Variants in TMEM232 observed in about 807,000 individuals in gnomAD.
TMEM232 encodes the protein transmembrane protein 232.
TMEM232 carries 80 observed loss-of-function variants against 78.8 expected under a neutral mutation model. The ratio of observed to expected loss-of-function variants is 1.01; its 90% CI spans 0.85 to 1.22. The LOEUF (loss-of-function observed/expected upper bound fraction) is 1.22. TMEM232 is among the 50% of genes most tolerant of loss of function. The pLI is 0.00. For missense variants in TMEM232, 881 were observed against 742.2 expected, an observed-to-expected ratio of 1.19 and a Z score of -2.17; for synonymous variants, 297 against 254.3, an observed-to-expected ratio of 1.17 and a Z score of -1.60.
intron 2 of TMEM232, among the ~76,000 whole-genome samples, chr5:110,653,880 C>T (rs1422490): frequency 0.17 from 26,128 of 152,020 alleles, 3,183 homozygotes; most frequent in African/African-American, 0.34. Context: ...GGATAAGATC[C>T]AGAAATAAAG....
At chr5:110,585,806 T>C (rs915082538) in intron 10 of TMEM232, among the ~76,000 whole-genome samples, 1 of 152,100 alleles carries the variant, frequency 6.6e-6, no homozygotes, top group Non-Finnish European at 1.5e-5. Flanking sequence ...GTCCCTGATT[T>C]AGGGCTATTT....
intron 12 of TMEM232, among the ~76,000 whole-genome samples, chr5:110,517,349 A>G (rs1561608250): frequency 6.6e-6 from 1 of 152,200 alleles, no homozygotes; most frequent in Non-Finnish European, 1.5e-5. Flanking sequence ...GATGAAACAC[A>G]ATTTCCTGAA....
At chr5:110,712,056 C>T (rs915074615) in intron 1 of TMEM232, among the ~76,000 whole-genome samples, 2 of 139,546 alleles carry the variant, frequency 1.4e-5, no homozygotes, top group Admixed American at 7.8e-5. Context: ...GAGCAGAGAT[C>T]GTGACACTGC....
intron 5 of TMEM232, among the ~76,000 whole-genome samples, chr5:110,628,656 G>A (rs1303480678): frequency 7.1e-6 from 1 of 140,436 alleles, no homozygotes; most frequent in Non-Finnish European, 1.5e-5. Context: ...ATAGCTGTCA[G>A]TATCCAGTGT....
At position 110,485,504 on chromosome 5, in the gene TMEM232, T is replaced by A. The variant is rs142488387; in HGVS notation, c.1703+43084A>T. On this transcript the variant is annotated intron_variant, in intron 12 of 13. Transcript: ENST00000455884. ...TCCCCAAAGTCCATTGTATCATTCT[T>A]ATGCTTTTGCATCCTCATAGCTTAG... Among the ~76,000 whole-genome samples, 348 of 152,264 alleles carry A rather than the reference T, an allele frequency of 2.3e-3. 6 individuals are homozygous for A. Among genetic ancestry groups the A allele is most frequent in the African/African-American group, 8.0e-3 (333 of 41,566 alleles).
At chr5:110,545,657 C>T (rs749800100) in intron 11 of TMEM232, among the ~76,000 whole-genome samples, 2 of 151,930 alleles carry the variant, frequency 1.3e-5, no homozygotes, top group African/African-American at 2.4e-5. Context: ...CTATAGAGCA[C>T]ATTAGGGATA....
intron 12 of TMEM232, among the ~76,000 whole-genome samples, chr5:110,525,081 G>T (rs1032518567): frequency 1.3e-5 from 2 of 150,972 alleles, no homozygotes; most frequent in African/African-American, 4.9e-5. Context: ...ATATAAAACT[G>T]CTTAATAATA....
intron 8 of TMEM232, among the ~76,000 whole-genome samples, chr5:110,608,302 A>T (rs1023294955): frequency 3.3e-5 from 5 of 151,976 alleles, no homozygotes; most frequent in Admixed American, 3.3e-4. Context: ...AATTCCAAAC[A>T]TACTATTTCT....
intron 1 of TMEM232, among the ~76,000 whole-genome samples, chr5:110,695,144 A>G (rs1794616822): frequency 6.6e-6 from 1 of 152,276 alleles, no homozygotes; most frequent in South Asian, 2.1e-4. Context: ...CAGCATTAAG[A>G]AACTCACTCA....
chr5:110,470,789 C>A (rs140680518), intron 12 of TMEM232, among the ~76,000 whole-genome samples: 18 of 152,214 alleles, frequency 1.2e-4, no homozygotes, highest in African/African-American at 3.9e-4. Flanking sequence ...GATTGTTACA[C>A]CAGATGCACA....
chr5:110,727,351 C>T (rs1377547256), upstream of TMEM232, among the ~76,000 whole-genome samples: 3 of 152,196 alleles, frequency 2.0e-5, no homozygotes, highest in African/African-American at 7.2e-5. Context: ...GTGGCTCATG[C>T]CTGTTATCCC....
At chr5:110,644,545 C>G (rs1342249866) in intron 2 of TMEM232, among the ~76,000 whole-genome samples, 2 of 151,646 alleles carry the variant, frequency 1.3e-5, no homozygotes, top group Non-Finnish European at 1.5e-5. Context: ...CTTTACATAC[C>G]TTTCTCAGTG....
At chr5:110,645,187 C>CA (rs1787311735) in intron 2 of TMEM232, among the ~76,000 whole-genome samples, 1 of 151,468 alleles carries the variant, frequency 6.6e-6, no homozygotes, top group Non-Finnish European at 1.5e-5. Context: ...TAAACTCTTG[C>CA]AAAAAATACA....
chr5:110,676,962 T>C (rs759979272), intron 1 of TMEM232, among the ~76,000 whole-genome samples: 1 of 152,046 alleles, frequency 6.6e-6, no homozygotes, highest in Non-Finnish European at 1.5e-5. Context: ...GGATTCACCA[T>C]GTTGGTCAGG....
intron 1 of TMEM232, among the ~76,000 whole-genome samples, chr5:110,688,093 A>ATGTG (rs10528620): frequency 2.1e-4 from 32 of 148,860 alleles, no homozygotes; most frequent in African/African-American, 6.6e-4. Context: ...CTCTGAGGGG[A>ATGTG]TGTGTGTGTG....
chr5:110,603,955 G>A (rs1781251568), intron 10 of TMEM232, among the ~76,000 whole-genome samples: 1 of 152,028 alleles, frequency 6.6e-6, no homozygotes, highest in Non-Finnish European at 1.5e-5. Context: ...GTGAATTATG[G>A]TTTTGGCTAA....
intron 6 of TMEM232, among the ~76,000 whole-genome samples, chr5:110,627,540 G>A (rs73226235): frequency 0.028 from 4,204 of 151,590 alleles, 191 homozygotes; most frequent in African/African-American, 0.096. Flanking sequence ...CAAAATTGCC[G>A]GAAAAAAAAG....
chr5:110,690,560 G>A (rs145100637), intron 1 of TMEM232, among the ~76,000 whole-genome samples: 2 of 152,206 alleles, frequency 1.3e-5, no homozygotes, highest in Non-Finnish European at 2.9e-5. Flanking sequence ...GTGGAAGACA[G>A]TGTAGTGATT....
At chr5:110,638,510 A>G (rs558198507) in intron 4 of TMEM232, among the ~76,000 whole-genome samples, 155 bp from the exon 5 acceptor site, 1 of 152,322 alleles carries the variant, frequency 6.6e-6, no homozygotes, top group East Asian at 1.9e-4. Flanking sequence ...TCTCATCAAG[A>G]GGTGATGTCT....
Sources: allele counts gnomAD v4.1 joint callset (sites outside exome capture counted in the v4.1 genomes callset), GRCh38; gene constraint gnomAD v4.1.1; transcripts MANE v1.5; gene names NCBI Gene and HGNC (gene_info 2026-07-23, HGNC 2026-07-21).